AP4E1: variants seen among roughly 807,000 people sequenced by gnomAD.
AP4E1 encodes AP-4 complex subunit epsilon-1.
A neutral mutation model predicts 128.2 loss-of-function variants in AP4E1; 56 were observed. That is an observed-to-expected ratio of 0.44 (90% confidence interval 0.35 to 0.55). The LOEUF (loss-of-function observed/expected upper bound fraction) is 0.55, where lower values mean the gene tolerates loss of function less well. Among genes scored for constraint, AP4E1 ranks in the 20% least tolerant of loss-of-function variants. AP4E1 has a pLI of 0.00. For missense variants in AP4E1, 1,324 were observed against 1,307.7 expected (o/e 1.01, Z -0.19); for synonymous variants, 484 against 473.1 (o/e 1.02, Z -0.30).
chr15:50,925,195 T>C lies in AP4E1; in HGVS notation c.518T>C (p.Ile173Thr), dbSNP rs780046554. Residue 173 changes from isoleucine to threonine, a missense_variant, in exon 5 of 21, where the codon ATA becomes ACA. Coordinates refer to ENST00000261842, the MANE Select transcript of AP4E1 (RefSeq NM_007347.5). ...CEMIPAVLPL[I>T]EDKLQHSKEI... Reference sequence around the variant, plus strand: ...ATGATTCCAGCTGTTCTTCCATTAATAGAAGATAAACTTCAACATTCTAAG... The same window carrying C: ...ATGATTCCAGCTGTTCTTCCATTAACAGAAGATAAACTTCAACATTCTAAG... The C allele has an allele frequency of 3.7e-6, 6 of 1,613,674 alleles. No homozygotes were observed. The South Asian group carries it at 4.4e-5, about 12-fold the overall frequency.
chr15:50,912,171 C>T (rs1238594553), intron 2 of AP4E1, 22 bp downstream of exon 2: 1 of 1,589,270 alleles, frequency 6.3e-7, no homozygotes, highest in African/African-American at 1.4e-5. Context: ...TAGTCAGTGC[C>T]AACACATTTG....
chr15:50,997,088 C>T (rs1159115992), intron 17 of AP4E1, among the ~76,000 whole-genome samples: 4 of 152,148 alleles, frequency 2.6e-5, no homozygotes, highest in Admixed American at 2.6e-4. Flanking sequence ...CTTATTTCTT[C>T]TTCGGATTCC....
chr15:50,945,231 T>C (rs2064041756), intron 10 of AP4E1: 2 of 789,510 alleles, frequency 2.5e-6, no homozygotes, highest in African/African-American at 3.4e-5. Flanking sequence ...TCCTGTATGT[T>C]CAATGACCTG....
intron 3 of AP4E1, among the ~76,000 whole-genome samples, chr15:50,919,456 TG>T (rs2063667643): frequency 6.6e-6 from 1 of 151,866 alleles, no homozygotes; most frequent in Non-Finnish European, 1.5e-5. Context: ...CACTTGAACC[TG>T]GGAGGCGGAG....
intron 7 of AP4E1, 186 bp from the exon 8 acceptor site, chr15:50,934,438 G>C: frequency 2.0e-6 from 1 of 508,572 alleles, no homozygotes; most frequent in South Asian, 2.5e-5. Flanking sequence ...CTTTGATAAA[G>C]TAGGAAGTTC....
At chr15:50,962,420 A>G (rs1380091950) in intron 14 of AP4E1, among the ~76,000 whole-genome samples, 1 of 152,070 alleles carries the variant, frequency 6.6e-6, no homozygotes. Flanking sequence ...CATACACACC[A>G]ATGGAACAGA....
chr15:50,958,892 T>G, intron 14 of AP4E1, 98 bp downstream of exon 14: 1 of 1,276,814 alleles, frequency 7.8e-7, no homozygotes, highest in Non-Finnish European at 1.1e-6. Flanking sequence ...AAAATGTGGT[T>G]TCTGTAGCAT....
In AP4E1 at chr15:50,968,258, T is replaced by C. The variant is rs775371446; in HGVS notation, c.1852-5T>C. 1.7e-5 allele frequency: 28 copies of C among 1,600,336 alleles called. No individual in the cohort carries two copies. The highest frequency in any genetic ancestry group is 2.3e-5 in the Non-Finnish European group (27 of 1,169,142). On this transcript the variant is annotated splice_polypyrimidine_tract_variant and splice_region_variant and intron_variant, in intron 14 of 20. Coordinates refer to ENST00000261842, the MANE Select transcript of AP4E1 (RefSeq NM_007347.5). ...ATTCCTAATTTTTGCTTAATTTTAA[T>C]ATAGGTAGATGCTTCTTTATCTTTT...
rs766895434 is a variant in AP4E1 at position 50,950,080 on chromosome 15, T to C, written c.1459T>C (p.Leu487=). Residue 487 remains leucine (L), a synonymous_variant, in exon 13 of 21, where the codon TTA becomes CTA. Coordinates refer to ENST00000261842, the MANE Select transcript of AP4E1 (RefSeq NM_007347.5). The part of the protein sequence containing the change: ...GFDDETEDQQ[L]RLYAVQSYLT... ...TGATGATGAAACAGAAGATCAGCAA[T>C]TAAGACTCTATGCAGTTCAGTCTTA... 23 of 1,613,048 alleles carry C rather than the reference T, an allele frequency of 1.4e-5. No homozygotes were observed. The Admixed American group carries it at 2.2e-4, about 15-fold the overall frequency.
At position 51,002,801 on chromosome 15, in the gene AP4E1, ATT is replaced by A. The variant is rs2064981015; in HGVS notation, c.*140_*141del. ...GTGTGGTTTATATGTTTTCTTTGTG[ATT>A]CCTGGTCAAGAAAGATCCCCAAAAC... On this transcript the variant is annotated 3_prime_UTR_variant, in exon 21 of 21. Transcript: ENST00000261842. The A allele has an allele frequency of 4.7e-6, 5 of 1,058,004 alleles. No homozygotes were observed. In the East Asian group the frequency reaches 1.0e-4, roughly 22 times the overall value. The allele number at this position is 1,058,004 out of a possible 1,614,324, so 65.5% of individuals were successfully genotyped here. A position where few individuals can be genotyped will look rare whatever the true frequency, so the allele number is the denominator to read the frequency against.
rs776747982 is a variant in AP4E1 at position 50,950,039 on chromosome 15, A to C, written c.1430-12A>C. 1.6e-5 allele frequency: 25 copies of C among 1,605,390 alleles called. No homozygotes were observed. The South Asian group carries it at 2.6e-4, about 17-fold the overall frequency. On this transcript the variant is annotated splice_polypyrimidine_tract_variant and intron_variant, in intron 12 of 20. Coordinates refer to ENST00000261842, the MANE Select transcript of AP4E1 (RefSeq NM_007347.5). ...TTGTGGAAATTAAAATGGTGTATCA[A>C]TTTCTTTGTAGGTTTTGATGATGAA...
At chr15:50,960,653 G>A (rs1305089406) in intron 14 of AP4E1, among the ~76,000 whole-genome samples, 1 of 151,896 alleles carries the variant, frequency 6.6e-6, no homozygotes, top group Non-Finnish European at 1.5e-5. Flanking sequence ...GAAGTTTATA[G>A]CAATAAGCAC....
At chr15:50,919,497 A>G (rs1034899407) in intron 3 of AP4E1, among the ~76,000 whole-genome samples, 1 of 152,008 alleles carries the variant, frequency 6.6e-6, no homozygotes, top group Non-Finnish European at 1.5e-5. Context: ...GCACCATTGC[A>G]CTCCAGCCTG....
intron 10 of AP4E1, among the ~76,000 whole-genome samples, chr15:50,942,170 G>T (rs1449988729): frequency 6.6e-6 from 1 of 152,126 alleles, no homozygotes; most frequent in Non-Finnish European, 1.5e-5. Context: ...GCCTGCCTTG[G>T]CCTCCCAAAG....
chr15:50,944,804 C>A, intron 10 of AP4E1: 1 of 691,080 alleles, frequency 1.4e-6, no homozygotes, highest in Non-Finnish European at 2.6e-6. Context: ...TAAATGCTAC[C>A]AAAATGGAAT....
intron 3 of AP4E1, among the ~76,000 whole-genome samples, chr15:50,919,140 G>A (rs1247385367): frequency 6.6e-6 from 1 of 152,078 alleles, no homozygotes; most frequent in African/African-American, 2.4e-5. Context: ...TGAGGCATGA[G>A]AATCGCTTGA....
At position 51,001,156 on chromosome 15, in the gene AP4E1, C is replaced by G; in HGVS notation, c.3226C>G (p.Leu1076Val). The G allele has an allele frequency of 6.2e-7, 1 of 1,613,540 alleles. No homozygotes were observed. Among genetic ancestry groups the G allele is most frequent in the Non-Finnish European group, 8.5e-7 (1 of 1,179,718 alleles). The change falls in exon 20 of 21, where the codon CTA becomes GTA. Residue 1076 changes from leucine (L) to valine (V), a missense_variant. Coordinates refer to ENST00000261842, the MANE Select transcript of AP4E1 (RefSeq NM_007347.5). Reference sequence around the variant, plus strand: ...TGCACTAAAGACTCTGCAACAGAAACTAAGACTCCATATTATTGAGATTAT... The same window carrying G: ...TGCACTAAAGACTCTGCAACAGAAAGTAAGACTCCATATTATTGAGATTAT... ...PSALKTLQQK[L>V]RLHIIEIIGN...
intron 15 of AP4E1, among the ~76,000 whole-genome samples, chr15:50,977,345 A>G (rs1248176798): frequency 6.6e-6 from 1 of 152,188 alleles, no homozygotes; most frequent in African/African-American, 2.4e-5. Context: ...GCTGACACAA[A>G]TACAAGAGCC....
chr15:50,997,435 G>A lies in AP4E1; in HGVS notation c.2456G>A (p.Ser819Asn), dbSNP rs142296875. 2 of 1,613,594 alleles carry A rather than the reference G, an allele frequency of 1.2e-6. No homozygotes were observed. The highest frequency in any genetic ancestry group is 1.7e-5 in the Admixed American group (1 of 59,954). The change falls in exon 18 of 21, where the codon AGT (serine) becomes AAT (asparagine). Residue 819 changes from serine to asparagine, a missense_variant. Transcript: ENST00000261842. ...STHNMTCSSF[S>N]SLSNVAYEDD... ...CATAATATGACCTGTTCTTCCTTTA[G>A]TTCTTTGTCAAATGTGGCATATGAA...
Sources: gnomAD v4.1 joint callset for allele counts (sites outside exome capture counted in the v4.1 genomes callset) on GRCh38, gnomAD v4.1.1 for gene constraint, MANE v1.5 for transcripts, NCBI Gene and HGNC (gene_info 2026-07-23, HGNC 2026-07-21) for gene names.